Variants in CALN1 observed in about 807,000 individuals in gnomAD.
CALN1 encodes calneuron 1, also known as calcium-binding protein 8.
A neutral mutation model predicts 30.6 loss-of-function variants in CALN1; 17 were observed. The observed-to-expected ratio is 0.56, with a 90% CI of 0.38 to 0.83. The LOEUF is 0.83. CALN1 is among the 40% of genes least tolerant of loss of function. CALN1 has a pLI of 0.00. For synonymous variants in CALN1, 156 were observed against 131.4 expected, an observed-to-expected ratio of 1.19 and a Z score of -1.28; for missense variants, 291 against 354.9, an observed-to-expected ratio of 0.82 and a Z score of 1.45.
chr7:72,332,201 G>C (rs1203108026), intron 2 of CALN1, among the ~76,000 whole-genome samples: 3 of 152,160 alleles, frequency 2.0e-5, no homozygotes, highest in Non-Finnish European at 4.4e-5. Flanking sequence ...GATACTCCTT[G>C]TAGAGCAGGG....
chr7:71,900,070 T>C (rs1014343258), intron 5 of CALN1, among the ~76,000 whole-genome samples: 1 of 152,162 alleles, frequency 6.6e-6, no homozygotes, highest in African/African-American at 2.4e-5. Context: ...CTTTATCATG[T>C]CAAAAATAGG....
chr7:72,480,598 T>C, the CALN1 span, among the ~76,000 whole-genome samples: 4 of 152,188 alleles, frequency 2.6e-5, no homozygotes, highest in Admixed American at 2.0e-4. Context: ...TTCCGTAAAG[T>C]TCAGAATTCA....
At chr7:71,987,327 G>A (rs1270560495) in intron 5 of CALN1, among the ~76,000 whole-genome samples, 2 of 152,210 alleles carry the variant, frequency 1.3e-5, no homozygotes, top group Admixed American at 1.3e-4. Flanking sequence ...TTCAGGACAG[G>A]GGCCCGTGTG....
At chr7:72,181,248 CAT>C (rs538466187) in intron 3 of CALN1, among the ~76,000 whole-genome samples, 7 of 147,484 alleles carry the variant, frequency 4.7e-5, no homozygotes, top group African/African-American at 1.7e-4. Flanking sequence ...ATATTATAAA[CAT>C]ATAGTTTTTA....
chr7:72,311,617 C>G (rs1429085847), intron 2 of CALN1, among the ~76,000 whole-genome samples: 1 of 148,882 alleles, frequency 6.7e-6, no homozygotes, highest in East Asian at 2.0e-4. Flanking sequence ...GTAGCTGGGA[C>G]TACAGGCACA....
At chr7:72,266,759 G>A (rs1051030782) in intron 3 of CALN1, among the ~76,000 whole-genome samples, 6 of 152,072 alleles carry the variant, frequency 3.9e-5, no homozygotes, top group Admixed American at 2.6e-4. Context: ...AACAACATGC[G>A]GGAAACTACT....
At chr7:72,377,588 T>C (rs989115891) in intron 2 of CALN1, among the ~76,000 whole-genome samples, 1 of 152,082 alleles carries the variant, frequency 6.6e-6, no homozygotes, top group Non-Finnish European at 1.5e-5. Context: ...ATGCTTATTT[T>C]AGTTATTGTT....
Position 71,807,644 on chromosome 7 carries a change from C to T in CALN1, c.658+2692G>A, listed in dbSNP as rs182648589. On this transcript the variant is annotated intron_variant, in intron 6 of 6. Transcript: ENST00000395275. ...ATGAAATAAGATAATGAATTTTAAA[C>T]CACTTAGTGCAGTGCCTGGACTAAC... 2.1e-3 allele frequency among the ~76,000 whole-genome samples: 325 copies of T among 152,186 alleles called. 1 individual carries two copies. Among genetic ancestry groups the T allele is most frequent in the Non-Finnish European group, 3.8e-3 (255 of 67,996 alleles).
rs182641088 is a variant in CALN1 at position 72,140,192 on chromosome 7, G to A, written c.245-33898C>T. On this transcript the variant is annotated intron_variant, in intron 3 of 6. Transcript: ENST00000395275. ...AGACTGAGGCAAGAGGATCACTTGA[G>A]CCCAGGAGTTCAAGGCTGCAGTGAG... 2.4e-4 allele frequency among the ~76,000 whole-genome samples: 37 copies of A among 151,864 alleles called. 1 individual carries two copies. In the East Asian group the frequency reaches 7.2e-3, roughly 29 times the overall value.
intron 5 of CALN1, among the ~76,000 whole-genome samples, chr7:71,825,594 C>T (rs781025278): frequency 5.3e-5 from 8 of 151,908 alleles, no homozygotes; most frequent in Non-Finnish European, 1.0e-4. Context: ...ACAGCGGGAC[C>T]GAAATGAAAG....
chr7:72,381,860 A>T (rs1804923098), intron 2 of CALN1, among the ~76,000 whole-genome samples: 1 of 152,206 alleles, frequency 6.6e-6, no homozygotes, highest in Non-Finnish European at 1.5e-5. Context: ...ACTTAAAGTA[A>T]AATTTTAGAA....
intron 2 of CALN1, among the ~76,000 whole-genome samples, chr7:72,393,760 T>C (rs1416049275): frequency 1.8e-5 from 2 of 110,810 alleles, no homozygotes; most frequent in Middle Eastern, 4.6e-3. Flanking sequence ...TTTTTTTTTT[T>C]CTATTTTGAG....
intron 4 of CALN1, among the ~76,000 whole-genome samples, chr7:72,039,310 G>C (rs1413256954): frequency 6.6e-6 from 1 of 152,178 alleles, no homozygotes; most frequent in Non-Finnish European, 1.5e-5. Context: ...TGTAGGTGGC[G>C]TGTTGGATGA....
intron 5 of CALN1, among the ~76,000 whole-genome samples, chr7:71,935,022 A>G (rs1457010382): frequency 6.6e-6 from 1 of 152,190 alleles, no homozygotes. Context: ...AAATTATGGG[A>G]GCTATAATTC....
At chr7:72,182,884 G>C (rs1486470382) in intron 3 of CALN1, among the ~76,000 whole-genome samples, 1 of 152,138 alleles carries the variant, frequency 6.6e-6, no homozygotes, top group Non-Finnish European at 1.5e-5. Flanking sequence ...TGTGTGGCCG[G>C]AAGACAGAAT....
intron 6 of CALN1, among the ~76,000 whole-genome samples, chr7:71,803,932 A>G (rs1787451959): frequency 8.8e-6 from 1 of 113,966 alleles, no homozygotes; most frequent in Admixed American, 1.1e-4. Flanking sequence ...GGGGCTGTGT[A>G]TTTGTGTATG....
chr7:71,828,527 T>C (rs1249940962), intron 5 of CALN1, among the ~76,000 whole-genome samples: 1 of 151,960 alleles, frequency 6.6e-6, no homozygotes, highest in Non-Finnish European at 1.5e-5. Context: ...CTGCCTCCCA[T>C]TGTATTTTGG....
intron 3 of CALN1, among the ~76,000 whole-genome samples, chr7:72,177,197 G>T (rs1789419856): frequency 6.6e-6 from 1 of 152,198 alleles, no homozygotes; most frequent in African/African-American, 2.4e-5. Flanking sequence ...TGATGCACCA[G>T]AACACTGTCT....
intron 5 of CALN1, among the ~76,000 whole-genome samples, chr7:71,858,014 A>C (rs1289563692): frequency 1.3e-5 from 2 of 152,154 alleles, no homozygotes; most frequent in Non-Finnish European, 2.9e-5. Context: ...AAAGGCAAAT[A>C]AATCTCAGGA....
Sources: gnomAD v4.1 joint callset for allele counts (sites outside exome capture counted in the v4.1 genomes callset) on GRCh38, gnomAD v4.1.1 for gene constraint, MANE v1.5 for transcripts, NCBI Gene and HGNC (gene_info 2026-07-23, HGNC 2026-07-21) for gene names.